The following SLC35D2 variants were observed in gnomAD, a reference collection of about 807,000 sequenced individuals.
The protein encoded by SLC35D2 is nucleotide sugar transporter SLC35D2.
A neutral mutation model predicts 41.8 loss-of-function variants in SLC35D2; 43 were observed. That is an observed-to-expected ratio of 1.03 (90% confidence interval 0.81 to 1.33). SLC35D2 has a LOEUF of 1.33. Ranked by LOEUF, SLC35D2 falls within the 40% of genes most tolerant of loss-of-function variation. The pLI is 0.00. For synonymous variants in SLC35D2, 150 were observed against 163.9 expected (o/e 0.92, Z 0.65); for missense variants, 380 against 408.4 (o/e 0.93, Z 0.60).
chr9:96,366,897 G>A (rs117448993), intron 2 of SLC35D2, among the ~76,000 whole-genome samples: 3,844 of 151,600 alleles, frequency 0.025, 70 homozygotes, highest in Middle Eastern at 0.054. Flanking sequence ...GTTGCAAAGA[G>A]GTATTTATTA....
At chr9:96,355,525 T>G (rs1829989489) in intron 4 of SLC35D2, among the ~76,000 whole-genome samples, 1 of 148,492 alleles carries the variant, frequency 6.7e-6, no homozygotes, top group Non-Finnish European at 1.5e-5. Flanking sequence ...TGAGACGGAG[T>G]TTCGCTCGTC....
chr9:96,356,667 G>A (rs540849873), intron 4 of SLC35D2, among the ~76,000 whole-genome samples: 29 of 152,020 alleles, frequency 1.9e-4, no homozygotes, highest in African/African-American at 5.5e-4. Flanking sequence ...CCAGGAGTTC[G>A]AGACCAGCCT....
rs1027387281 is a variant in SLC35D2, at chr9:96,360,643, A to G, written c.280-422T>C. On this transcript the variant is annotated intron_variant, in intron 3 of 11. Transcript: ENST00000253270. ...GACTTCATCTCAAAAAAAAAAAAAAAAAAAAAAAAAAGAAAAGGTGCGCCT... is the reference window on the plus strand; with the variant it reads ...GACTTCATCTCAAAAAAAAAAAAAAGAAAAAAAAAAAGAAAAGGTGCGCCT... Among the ~76,000 whole-genome samples the G allele has an allele frequency of 4.3e-4, 64 of 149,970 alleles. 1 individual carries two copies. The highest frequency in any genetic ancestry group is 1.3e-3 in the African/African-American group (53 of 40,510).
chr9:96,331,640 G>A lies in SLC35D2; in HGVS notation c.752+5077C>T, dbSNP rs758973585. Among the ~76,000 whole-genome samples the A allele has an allele frequency of 4.1e-4, 62 of 152,126 alleles. 1 individual carries two copies. Among genetic ancestry groups the A allele is most frequent in the Admixed American group, 8.5e-4 (13 of 15,276 alleles). On this transcript the variant is annotated intron_variant, in intron 9 of 11. Coordinates refer to ENST00000253270, the MANE Select transcript of SLC35D2 (RefSeq NM_007001.3). ...TTTCCCCAAGTGCATCCTCAACCTT[G>A]GAAAAATGAACCTCTAAATAGATTG... is the stretch of plus-strand genomic sequence containing the variant.
chr9:96,313,603 A>G (rs1047547226), exon 12 of SLC35D2, among the ~76,000 whole-genome samples: 1 of 152,174 alleles, frequency 6.6e-6, no homozygotes, highest in Non-Finnish European at 1.5e-5. Context: ...CTGAAATCAC[A>G]TTGTTAGACT....
intron 10 of SLC35D2, among the ~76,000 whole-genome samples, chr9:96,322,466 T>C (rs1399088096): frequency 6.6e-6 from 1 of 152,074 alleles, no homozygotes; most frequent in Non-Finnish European, 1.5e-5. Context: ...AAGGCTGCAG[T>C]GAGCTACATG....
At chr9:96,328,010 A>C (rs1828626476) in intron 9 of SLC35D2, among the ~76,000 whole-genome samples, 2 of 152,076 alleles carry the variant, frequency 1.3e-5, no homozygotes, top group Admixed American at 1.3e-4. Flanking sequence ...ACATTTTTTA[A>C]AAGAATCTAT....
intron 6 of SLC35D2, among the ~76,000 whole-genome samples, chr9:96,350,290 C>T (rs1024130242): frequency 2.0e-5 from 3 of 151,654 alleles, no homozygotes; most frequent in African/African-American, 7.3e-5. Flanking sequence ...CTTTCCCCAG[C>T]CTCCTGAGTA....
chr9:96,342,345 G>C (rs1288071307), intron 8 of SLC35D2, among the ~76,000 whole-genome samples: 1 of 152,096 alleles, frequency 6.6e-6, no homozygotes, highest in Non-Finnish European at 1.5e-5. Flanking sequence ...GGCCAGGCTG[G>C]TCTCAAACTC....
At chr9:96,331,145 A>G (rs1828790547) in intron 9 of SLC35D2, among the ~76,000 whole-genome samples, 1 of 152,070 alleles carries the variant, frequency 6.6e-6, no homozygotes, top group Admixed American at 6.6e-5. Context: ...TGATCTGCCC[A>G]CCTCGGCCTC....
At chr9:96,356,153 A>T (rs1477333314) in intron 4 of SLC35D2, among the ~76,000 whole-genome samples, 2 of 152,158 alleles carry the variant, frequency 1.3e-5, no homozygotes, top group African/African-American at 4.8e-5. Context: ...TTGCCATGGG[A>T]TCTCTGCGCG....
chr9:96,317,070 G>A (rs968099863), downstream of SLC35D2, among the ~76,000 whole-genome samples: 13 of 151,932 alleles, frequency 8.6e-5, no homozygotes, highest in African/African-American at 2.2e-4. Flanking sequence ...ACTGGAAGGC[G>A]GAGCTTGTAG....
chr9:96,327,646 G>T, intron 9 of SLC35D2, among the ~76,000 whole-genome samples: 1 of 150,992 alleles, frequency 6.6e-6, no homozygotes, highest in African/African-American at 2.4e-5. Context: ...TTTAAAGATG[G>T]GGTCTCACTC....
chr9:96,377,200 AC>A (rs1587728101), intron 1 of SLC35D2, among the ~76,000 whole-genome samples: 1 of 151,916 alleles, frequency 6.6e-6, no homozygotes, highest in African/African-American at 2.4e-5. Context: ...TACTCGTGTT[AC>A]CGCTGATCAT....
At chr9:96,371,605 T>C (rs1363007124) in intron 1 of SLC35D2, among the ~76,000 whole-genome samples, 1 of 151,466 alleles carries the variant, frequency 6.6e-6, no homozygotes, top group African/African-American at 2.4e-5. Flanking sequence ...TTTAACACTT[T>C]TAAGACATAT....
Position 96,321,325 on chromosome 9 carries a change from T to C in SLC35D2, c.931A>G (p.Arg311Gly). ...CTGCTCAGTGTTAAAAAGGAATATCTCAAGCCCCCTGCCATGCTGAAAGGA... is the reference window on the plus strand; with the variant it reads ...CTGCTCAGTGTTAAAAAGGAATATCCCAAGCCCCCTGCCATGCTGAAAGGA... The part of the protein sequence containing the change: ...GLNICMAGGL[R>G]YSFLTLSSQL... Residue 311 changes from arginine (R) to glycine (G), a missense_variant, in exon 12 of 12, where the codon AGA becomes GGA. By Grantham distance (125) the Arg-to-Gly change is moderately radical (BLOSUM62 -2). Transcript: ENST00000253270. The C allele has an allele frequency of 6.2e-7, 1 of 1,613,542 alleles. No homozygotes were observed. The highest frequency in any genetic ancestry group is 1.1e-5 in the South Asian group (1 of 91,052).
downstream of SLC35D2, among the ~76,000 whole-genome samples, chr9:96,318,882 T>C (rs973145243): frequency 1.3e-5 from 2 of 152,208 alleles, no homozygotes; most frequent in Admixed American, 6.5e-5. Context: ...ACAAATGTTA[T>C]TGAGGTTGTG....
chr9:96,374,700 T>C (rs529123838), intron 1 of SLC35D2, among the ~76,000 whole-genome samples: 2 of 150,222 alleles, frequency 1.3e-5, no homozygotes, highest in South Asian at 2.1e-4. Context: ...TAGCCGAGCG[T>C]GGTGGCAGGC....
At chr9:96,320,628 C>T (rs971196723), downstream of SLC35D2, 1 of 151,942 alleles carries the variant, frequency 6.6e-6, no homozygotes, top group Non-Finnish European at 1.5e-5. Flanking sequence ...GGAATTGTCC[C>T]TTCAAGGTGA....
Sources: gnomAD v4.1 joint callset for allele counts (sites outside exome capture counted in the v4.1 genomes callset) on GRCh38, gnomAD v4.1.1 for gene constraint, MANE v1.5 for transcripts, NCBI Gene and HGNC (gene_info 2026-07-23, HGNC 2026-07-21) for gene names.